Variants in ZNF589 observed in about 807,000 individuals in gnomAD.
ZNF589 encodes zinc finger protein 589.
A neutral mutation model predicts 13.6 loss-of-function variants in ZNF589; 17 were observed. That is an observed-to-expected ratio of 1.25 (90% CI 0.86 to 1.88). The LOEUF (loss-of-function observed/expected upper bound fraction) is 1.88, where lower values mean the gene tolerates loss of function less well. Among genes scored for constraint, ZNF589 ranks in the 40% most tolerant of loss-of-function variants. The probability of loss-of-function intolerance (pLI) is 0.00; values close to 1 mark genes in which losing one functional copy is unlikely to be tolerated. For missense variants in ZNF589, 407 were observed against 434.0 expected, an observed-to-expected ratio of 0.94 and a Z score of 0.55; for synonymous variants, 148 against 161.6, an observed-to-expected ratio of 0.92 and a Z score of 0.64.
intron 2 of ZNF589, among the ~76,000 whole-genome samples, chr3:48,254,411 C>A (rs1025241782): frequency 3.3e-5 from 5 of 152,182 alleles, no homozygotes; most frequent in Non-Finnish European, 5.9e-5. Flanking sequence ...TAATATGAAT[C>A]CTTCAACTTT....
At chr3:48,262,730 G>T (rs1387986145) in intron 3 of ZNF589, among the ~76,000 whole-genome samples, 1 of 151,844 alleles carries the variant, frequency 6.6e-6, no homozygotes. Flanking sequence ...GTAGCCCACG[G>T]ATTTGTTTGT....
intron 2 of ZNF589, among the ~76,000 whole-genome samples, chr3:48,260,109 AGAG>A (rs1180948597): frequency 6.6e-6 from 1 of 152,112 alleles, no homozygotes; most frequent in East Asian, 1.9e-4. Flanking sequence ...CTCATTTAGA[AGAG>A]AAGAGACTTG....
chr3:48,252,989 T>A (rs1442410086), intron 2 of ZNF589, among the ~76,000 whole-genome samples: 2 of 152,058 alleles, frequency 1.3e-5, no homozygotes, highest in Non-Finnish European at 2.9e-5. Context: ...TTTAGACAAT[T>A]TTTTCCTCAT....
At chr3:48,266,781 T>A (rs1447220808) in intron 3 of ZNF589, among the ~76,000 whole-genome samples, 1 of 152,242 alleles carries the variant, frequency 6.6e-6, no homozygotes, top group African/African-American at 2.4e-5. Flanking sequence ...TTCTATATAT[T>A]ATCGCAACAG....
Position 48,269,004 on chromosome 3 carries a change from ACT to A in ZNF589, c.*220_*221del. ...TCGCTCAAATCACATCGGAGAACAC[ACT>A]CAGGGGAGAAGCCTTATGTGTGTGG... On this transcript the variant is annotated 3_prime_UTR_variant, in exon 4 of 4. Transcript: ENST00000354698. The A allele has an allele frequency of 1.3e-6, 1 of 742,212 alleles. No homozygotes were observed. 46.0% of individuals were successfully genotyped at this position (742,212 alleles called of 1,614,324 possible). A position where few individuals can be genotyped will look rare whatever the true frequency, so the allele number is the denominator to read the frequency against.
At chr3:48,248,875 C>T (rs1329228694) in intron 2 of ZNF589, among the ~76,000 whole-genome samples, 1 of 152,142 alleles carries the variant, frequency 6.6e-6, no homozygotes, top group Non-Finnish European at 1.5e-5. Context: ...TTTAACCCTG[C>T]ATTAAATTCG....
Position 48,269,661 on chromosome 3 carries a change from T to TA in ZNF589, c.*876dup, listed in dbSNP as rs1373068045. 2.9e-6 allele frequency: 1 copy of TA among 341,212 alleles called. No homozygotes were observed. The highest frequency in any genetic ancestry group is 2.1e-5 in the African/African-American group (1 of 46,596). The allele number at this position is 341,212 out of a possible 1,614,324, so 21.1% of individuals were successfully genotyped here. A position where few individuals can be genotyped will look rare whatever the true frequency, so the allele number is the denominator to read the frequency against. ...TTTAGGAGAAAGTCACAGCTCATCA[T>TA]ACACCAGAAGATACACTCGGGGAAA... is the stretch of plus-strand genomic sequence containing the variant. On this transcript the variant is annotated 3_prime_UTR_variant, in exon 4 of 4. Transcript: ENST00000354698.
chr3:48,267,816 T>C, intron 3 of ZNF589, 99 bp from the exon 4 acceptor site: 4 of 1,272,364 alleles, frequency 3.1e-6, no homozygotes, highest in Non-Finnish European at 4.3e-6. Context: ...AGAAAGACTT[T>C]AATCATTGAG....
chr3:48,267,400 ATT>A (rs765766945), intron 3 of ZNF589, among the ~76,000 whole-genome samples: 1 of 146,962 alleles, frequency 6.8e-6, no homozygotes. Context: ...AAATAGAAGA[ATT>A]TTTTTTTTTT....
intron 1 of ZNF589, among the ~76,000 whole-genome samples, chr3:48,247,322 T>C (rs1029200423): frequency 6.6e-6 from 1 of 151,636 alleles, no homozygotes; most frequent in Non-Finnish European, 1.5e-5. Flanking sequence ...ACATAACACA[T>C]GGGGGGAAAT....
chr3:48,256,798 A>C, intron 2 of ZNF589: 1 of 1,570,488 alleles, frequency 6.4e-7, no homozygotes, highest in South Asian at 1.1e-5. Flanking sequence ...CTTCAATTAT[A>C]GTTGTCTTTC....
At chr3:48,256,822 C>T in intron 2 of ZNF589, 1 of 1,466,940 alleles carries the variant, frequency 6.8e-7, no homozygotes, top group South Asian at 1.2e-5. Context: ...CTTGGATTTC[C>T]ACCACTTCCC....
chr3:48,251,649 G>A lies in ZNF589; in HGVS notation c.96+3972G>A, dbSNP rs930314913. Among the ~76,000 whole-genome samples the A allele has an allele frequency of 5.9e-5, 9 of 152,108 alleles. No individual in the cohort carries two copies. The East Asian group carries it at 1.5e-3, about 26-fold the overall frequency. ...TTGGTGTGGTATGAGATAGGGATTG[G>A]CGTTCTTTATTTTTAAATTTGGGCG... is the stretch of plus-strand genomic sequence containing the variant. On this transcript the variant is annotated intron_variant, in intron 2 of 3. Transcript: ENST00000354698.
chr3:48,269,367 G>C lies in ZNF589; in HGVS notation c.*581G>C. On this transcript the variant is annotated 3_prime_UTR_variant, in exon 4 of 4. Coordinates refer to ENST00000354698, the MANE Select transcript of ZNF589 (RefSeq NM_016089.3). ...TCCAAGGAAAAACCTTATGTGTGCA[G>C]CCAGTGTGGGCGAGGCTTTTGTGAT... 1.2e-6 allele frequency: 1 copy of C among 803,894 alleles called. No homozygotes were observed. Among genetic ancestry groups the C allele is most frequent in the Non-Finnish European group, 1.9e-6 (1 of 523,062 alleles). 49.8% of individuals were successfully genotyped at this position (803,894 alleles called of 1,614,324 possible).
intron 1 of ZNF589, 67 bp downstream of exon 1, chr3:48,241,281 G>T: frequency 6.3e-7 from 1 of 1,583,478 alleles, no homozygotes; most frequent in Non-Finnish European, 8.6e-7. Context: ...CGCAGGCGTC[G>T]GCCGTATCCA....
chr3:48,250,843 G>A (rs1404051046), intron 2 of ZNF589, among the ~76,000 whole-genome samples: 3 of 152,190 alleles, frequency 2.0e-5, no homozygotes, highest in South Asian at 4.1e-4. Flanking sequence ...TTTTCTTAAC[G>A]TCTTTTGATG....
In ZNF589 at chr3:48,247,688, C is replaced by G; in HGVS notation, c.96+11C>G. On this transcript the variant is annotated intron_variant, in intron 2 of 3. Transcript: ENST00000354698. ...AAGCCTAGATATCTGGTGAGTTGGG[C>G]CCGCCCTTCTCTTTTCTGAAATGCT... 2.5e-6 allele frequency: 4 copies of G among 1,612,656 alleles called. No individual in the cohort carries two copies. The highest frequency in any genetic ancestry group is 3.4e-6 in the Non-Finnish European group (4 of 1,179,090).
At chr3:48,255,175 ACTT>A (rs916683501) in intron 2 of ZNF589, among the ~76,000 whole-genome samples, 4 of 145,990 alleles carry the variant, frequency 2.7e-5, no homozygotes, top group African/African-American at 7.6e-5. Flanking sequence ...GAGAGCTATT[ACTT>A]CTTTTTTTTT....
chr3:48,263,330 A>T (rs2033985932), intron 3 of ZNF589, among the ~76,000 whole-genome samples: 1 of 152,172 alleles, frequency 6.6e-6, no homozygotes, highest in Non-Finnish European at 1.5e-5. Flanking sequence ...GGCTGGTCTC[A>T]AACTACTGAC....
Sources: allele counts gnomAD v4.1 joint callset (sites outside exome capture counted in the v4.1 genomes callset), GRCh38; gene constraint gnomAD v4.1.1; transcripts MANE v1.5; gene names NCBI Gene and HGNC (gene_info 2026-07-23, HGNC 2026-07-21).